CCDC60: variants seen among roughly 807,000 people sequenced by gnomAD.
CCDC60 encodes the protein coiled-coil domain-containing protein 60.
Under a neutral mutation model 63.5 loss-of-function variants are expected in CCDC60, and 54 were observed. That is an observed-to-expected ratio of 0.85 (90% CI 0.68 to 1.07). The LOEUF (loss-of-function observed/expected upper bound fraction) is 1.07. Ranked by LOEUF, CCDC60 falls within the 50% of genes least tolerant of loss-of-function variation. The pLI is 0.00. For synonymous variants in CCDC60, 206 were observed against 238.8 expected (o/e 0.86, Z 1.27); for missense variants, 651 against 684.3 (o/e 0.95, Z 0.54).
chr12:119,494,775 G>T (rs1951682020), intron 5 of CCDC60, among the ~76,000 whole-genome samples: 1 of 152,020 alleles, frequency 6.6e-6, no homozygotes, highest in African/African-American at 2.4e-5. Context: ...GAGGACAGGA[G>T]TTCGAGACCA....
rs117065049 is a variant in CCDC60 at position 119,465,964 on chromosome 12, C to T, written c.171-6030C>T. On this transcript the variant is annotated intron_variant, in intron 2 of 13. Coordinates refer to ENST00000327554, the MANE Select transcript of CCDC60 (RefSeq NM_178499.5). ...AAGCCAACATTTTGGTAGCACACAT[C>T]GTATTATATGATGTCATATAACATT... is the stretch of plus-strand genomic sequence containing the variant. 4.9e-4 allele frequency among the ~76,000 whole-genome samples: 75 copies of T among 152,278 alleles called. No homozygotes were observed. The East Asian group carries it at 0.013, about 27-fold the overall frequency.
Position 119,528,479 on chromosome 12 carries a change from G to A in CCDC60, c.1230-136G>A, listed in dbSNP as rs1291319395. 10 of 1,021,660 alleles carry A rather than the reference G, an allele frequency of 9.8e-6. No homozygotes were observed. In the East Asian group the frequency reaches 9.8e-5, roughly 10 times the overall value. The allele number at this position is 1,021,660 out of a possible 1,614,324, so 63.3% of individuals were successfully genotyped here. On this transcript the variant is annotated intron_variant, in intron 11 of 13. Coordinates refer to ENST00000327554, the MANE Select transcript of CCDC60 (RefSeq NM_178499.5). ...TCTTGTGGCAAAAGCCAGAGCCTAAGTTAAAGATTAGCTGACAGGGTTAAG... is the reference window on the plus strand; with the variant it reads ...TCTTGTGGCAAAAGCCAGAGCCTAAATTAAAGATTAGCTGACAGGGTTAAG...
intron 1 of CCDC60, among the ~76,000 whole-genome samples, chr12:119,348,194 G>A (rs981325797): frequency 2.0e-5 from 3 of 152,168 alleles, no homozygotes; most frequent in African/African-American, 7.2e-5. Context: ...AGGAAGCAAT[G>A]CTTATTGGCA....
At chr12:119,503,216 C>T (rs1951900578) in intron 6 of CCDC60, among the ~76,000 whole-genome samples, 1 of 152,100 alleles carries the variant, frequency 6.6e-6, no homozygotes, top group South Asian at 2.1e-4. Context: ...ATCTGAAGAG[C>T]CTGGTTCCTA....
At chr12:119,369,381 G>C (rs1422289024) in intron 1 of CCDC60, among the ~76,000 whole-genome samples, 3 of 152,170 alleles carry the variant, frequency 2.0e-5, no homozygotes, top group Admixed American at 6.5e-5. Context: ...CTGGGGGATG[G>C]GGGAAGCTTT....
chr12:119,344,910 C>A lies in CCDC60; in HGVS notation c.90+9644C>A, dbSNP rs1044937939. ...ACACACACACACACAATCTCTCCTA[C>A]TTCCTTCAATGTCAGCTTTAATATC... is the stretch of plus-strand genomic sequence containing the variant. On this transcript the variant is annotated intron_variant, in intron 1 of 13. Coordinates refer to ENST00000327554, the MANE Select transcript of CCDC60 (RefSeq NM_178499.5). Among the ~76,000 whole-genome samples, 5 of 146,350 alleles carry A rather than the reference C, an allele frequency of 3.4e-5. No homozygotes were observed. The Admixed American group carries it at 3.4e-4, about 10-fold the overall frequency.
rs181035153 is a variant in CCDC60, at chr12:119,399,282, A to G, written c.91-29401A>G. On this transcript the variant is annotated intron_variant, in intron 1 of 13. Transcript: ENST00000327554. ...TCATGGGGTGCTCAAAAGGAGATGC[A>G]CCCAGGACCCAGATGGGCATCCTCC... 1.0e-3 allele frequency among the ~76,000 whole-genome samples: 158 copies of G among 152,266 alleles called. 1 individual carries two copies. Among genetic ancestry groups the G allele is most frequent in the African/African-American group, 3.7e-3 (153 of 41,562 alleles).
intron 1 of CCDC60, among the ~76,000 whole-genome samples, chr12:119,403,506 T>C: frequency 6.6e-6 from 1 of 152,166 alleles, no homozygotes; most frequent in Non-Finnish European, 1.5e-5. Context: ...AGCATAACAT[T>C]GGGCTTTAAT....
intron 1 of CCDC60, among the ~76,000 whole-genome samples, chr12:119,419,869 C>CTTTT (rs1206831493): frequency 1.9e-5 from 2 of 106,500 alleles, no homozygotes; most frequent in African/African-American, 3.7e-5. Flanking sequence ...TTAAATAATT[C>CTTTT]TTTTTTTTTT....
intron 2 of CCDC60, among the ~76,000 whole-genome samples, chr12:119,445,433 C>CAAAAAAAAAAAAA (rs58415660): frequency 0.028 from 765 of 27,152 alleles, 67 homozygotes; most frequent in Non-Finnish European, 0.037. Context: ...GACTCCATCT[C>CAAAAAAAAAAAAA]AAAAAAAAAA....
At chr12:119,451,985 A>T (rs1331620596) in intron 2 of CCDC60, among the ~76,000 whole-genome samples, 1 of 152,202 alleles carries the variant, frequency 6.6e-6, no homozygotes, top group Non-Finnish European at 1.5e-5. Flanking sequence ...TAGCCATTTG[A>T]TCAAAAATAG....
At chr12:119,343,708 A>C (rs1955557488) in intron 1 of CCDC60, among the ~76,000 whole-genome samples, 1 of 151,114 alleles carries the variant, frequency 6.6e-6, no homozygotes, top group Non-Finnish European at 1.5e-5. Context: ...TTGAGGTAGA[A>C]ACAAGTTCTA....
intron 2 of CCDC60, among the ~76,000 whole-genome samples, chr12:119,452,815 T>G (rs969891887): frequency 9.2e-6 from 1 of 108,238 alleles, no homozygotes; most frequent in African/African-American, 3.1e-5. Flanking sequence ...ATTTGGCTTG[T>G]TTTTTTTTTG....
chr12:119,479,831 ATAAT>A (rs1593147871), intron 4 of CCDC60: 1 of 152,208 alleles, frequency 6.6e-6, no homozygotes, highest in African/African-American at 2.4e-5. Flanking sequence ...TTTGAGAGAA[ATAAT>A]TAATTCTTTG....
At chr12:119,525,843 C>A (rs11064823) in intron 11 of CCDC60, among the ~76,000 whole-genome samples, 20,031 of 152,096 alleles carry the variant, frequency 0.13, 1,373 homozygotes, top group East Asian at 0.23. Flanking sequence ...CTGCCCAAAG[C>A]AATTTATAGA....
chr12:119,407,101 A>G (rs1451481149), intron 1 of CCDC60, among the ~76,000 whole-genome samples: 1 of 152,170 alleles, frequency 6.6e-6, no homozygotes, highest in Non-Finnish European at 1.5e-5. Flanking sequence ...AGGGGGGTAT[A>G]TTCTGACTGC....
At chr12:119,370,126 G>A (rs189298177) in intron 1 of CCDC60, among the ~76,000 whole-genome samples, 59 of 152,210 alleles carry the variant, frequency 3.9e-4, no homozygotes, top group Middle Eastern at 3.4e-3. Flanking sequence ...CCTGTCCAAC[G>A]CCTGATTCAG....
chr12:119,360,449 C>T (rs1256521385), intron 1 of CCDC60, among the ~76,000 whole-genome samples: 2 of 151,860 alleles, frequency 1.3e-5, no homozygotes, highest in African/African-American at 4.8e-5. Flanking sequence ...CTCCTCACTT[C>T]CCAGACGGGG....
chr12:119,364,439 C>T (rs1565972042), intron 1 of CCDC60, among the ~76,000 whole-genome samples: 1 of 152,140 alleles, frequency 6.6e-6, no homozygotes, highest in Non-Finnish European at 1.5e-5. Context: ...AAGTTAATTT[C>T]TTTTTTTCTG....
Sources: allele counts gnomAD v4.1 joint callset (sites outside exome capture counted in the v4.1 genomes callset), GRCh38; gene constraint gnomAD v4.1.1; transcripts MANE v1.5; gene names NCBI Gene and HGNC (gene_info 2026-07-23, HGNC 2026-07-21).